The following PDK1 variants were observed in gnomAD, a reference collection of about 807,000 sequenced individuals.
PDK1 encodes the protein pyruvate dehydrogenase kinase 1.
In PDK1, 39 loss-of-function variants were observed where a neutral mutation model predicts 54.2. That is an observed-to-expected ratio of 0.72 (90% CI 0.56 to 0.94). The LOEUF is 0.94. PDK1 is among the 40% of genes least tolerant of loss of function. The probability of loss-of-function intolerance (pLI) is 0.00; values close to 1 mark genes in which losing one functional copy is unlikely to be tolerated. For missense variants in PDK1, 552 were observed against 566.0 expected (o/e 0.98, Z 0.25); for synonymous variants, 221 against 207.1 (o/e 1.07, Z -0.58).
chr2:172,712,914 G>T, the PDK1 span, among the ~76,000 whole-genome samples: 1 of 152,230 alleles, frequency 6.6e-6, no homozygotes, highest in African/African-American at 2.4e-5. Flanking sequence ...GTGAAGAGGT[G>T]CTTTATTGAG....
intron 5 of PDK1, 113 bp downstream of exon 5, chr2:172,565,186 C>T (rs1379940047): frequency 4.5e-6 from 3 of 665,378 alleles, no homozygotes; most frequent in Non-Finnish European, 8.0e-6. Flanking sequence ...GGCACAAATG[C>T]ATGGGTTTGA....
intron 5 of PDK1, among the ~76,000 whole-genome samples, chr2:172,566,532 G>C (rs1314398949): frequency 6.6e-6 from 1 of 152,014 alleles, no homozygotes; most frequent in African/African-American, 2.4e-5. Flanking sequence ...ACTCCAGCCT[G>C]GTTGATCGAG....
the PDK1 span, among the ~76,000 whole-genome samples, chr2:172,637,043 T>G: frequency 6.6e-6 from 1 of 152,248 alleles, no homozygotes; most frequent in South Asian, 2.1e-4. Flanking sequence ...ATAAGCTGTT[T>G]ATATAACTGT....
chr2:172,693,218 A>G, the PDK1 span, among the ~76,000 whole-genome samples: 2 of 152,248 alleles, frequency 1.3e-5, no homozygotes, highest in East Asian at 3.9e-4. Context: ...CGTGAGTCAG[A>G]ATGTCCATAT....
At chr2:172,657,449 A>T in the PDK1 span, among the ~76,000 whole-genome samples, 41 of 36,566 alleles carry the variant, frequency 1.1e-3, no homozygotes, top group Admixed American at 2.7e-3. Context: ...CTTTTAAATG[A>T]TGCTTATATT....
chr2:172,674,843 T>A, the PDK1 span: 5 of 152,222 alleles, frequency 3.3e-5, no homozygotes, highest in African/African-American at 1.2e-4. Flanking sequence ...CCTGAGCCTC[T>A]CCCGGGCTGT....
the PDK1 span, among the ~76,000 whole-genome samples, chr2:172,687,530 T>G: frequency 3.3e-5 from 5 of 152,178 alleles, no homozygotes; most frequent in Non-Finnish European, 7.3e-5. Flanking sequence ...AGGGTCACAC[T>G]TCATACTCAT....
At chr2:172,686,618 T>G in the PDK1 span, among the ~76,000 whole-genome samples, 499 of 152,302 alleles carry the variant, frequency 3.3e-3, 4 homozygotes, top group African/African-American at 0.011. Flanking sequence ...TTGGGCCACT[T>G]TTTACGCTGT....
the PDK1 span, among the ~76,000 whole-genome samples, chr2:172,664,045 C>G: frequency 6.7e-6 from 1 of 148,474 alleles, no homozygotes; most frequent in Non-Finnish European, 1.5e-5. Context: ...GGCGCGGTGG[C>G]TCACACCTGT....
At chr2:172,711,288 A>T in the PDK1 span, among the ~76,000 whole-genome samples, 4,022 of 152,214 alleles carry the variant, frequency 0.026, 178 homozygotes, top group African/African-American at 0.09. Context: ...CTTCCAAACT[A>T]TTTTAGTTCA....
the PDK1 span, among the ~76,000 whole-genome samples, chr2:172,632,367 A>C: frequency 6.6e-6 from 1 of 152,194 alleles, no homozygotes; most frequent in East Asian, 1.9e-4. Flanking sequence ...CTTTACAATA[A>C]TAAGTCATCC....
At chr2:172,677,001 T>C in the PDK1 span, 4 of 152,348 alleles carry the variant, frequency 2.6e-5, no homozygotes, top group South Asian at 8.3e-4. Flanking sequence ...GTTGTCAGCA[T>C]TTTTTAGCAA....
At chr2:172,648,773 C>T in the PDK1 span, among the ~76,000 whole-genome samples, 25 of 152,288 alleles carry the variant, frequency 1.6e-4, no homozygotes, top group Non-Finnish European at 1.3e-4. Flanking sequence ...AAGGCCACAG[C>T]GAGGCTGGGG....
chr2:172,708,181 C>T, the PDK1 span, among the ~76,000 whole-genome samples: 4 of 151,506 alleles, frequency 2.6e-5, no homozygotes, highest in Non-Finnish European at 4.4e-5. Flanking sequence ...CCCAGCTATT[C>T]GGGAGGATGA....
chr2:172,677,866 G>A, the PDK1 span, among the ~76,000 whole-genome samples: 2 of 152,144 alleles, frequency 1.3e-5, no homozygotes, highest in Admixed American at 1.3e-4. Context: ...TACATTGGGA[G>A]GATGAATAAA....
the PDK1 span, among the ~76,000 whole-genome samples, chr2:172,620,644 T>A: frequency 6.6e-6 from 1 of 152,172 alleles, no homozygotes; most frequent in East Asian, 1.9e-4. Context: ...GGGCTGGATT[T>A]CTTATGAATA....
chr2:172,708,832 T>C, the PDK1 span, among the ~76,000 whole-genome samples: 79 of 152,258 alleles, frequency 5.2e-4, no homozygotes, highest in Non-Finnish European at 1.5e-4. Flanking sequence ...ACTAGTGTTG[T>C]CCACCTGTGT....
the PDK1 span, among the ~76,000 whole-genome samples, chr2:172,620,647 T>C: frequency 1.3e-5 from 2 of 152,160 alleles, no homozygotes; most frequent in Non-Finnish European, 2.9e-5. Context: ...CTGGATTTCT[T>C]ATGAATAGTG....
At chr2:172,706,009 G>A in the PDK1 span, among the ~76,000 whole-genome samples, 1 of 152,152 alleles carries the variant, frequency 6.6e-6, no homozygotes, top group Non-Finnish European at 1.5e-5. Context: ...CCTTTACCCA[G>A]TTTCCCCCAG....
Sources: gnomAD v4.1 joint callset for allele counts (sites outside exome capture counted in the v4.1 genomes callset) on GRCh38, gnomAD v4.1.1 for gene constraint, MANE v1.5 for transcripts, NCBI Gene and HGNC (gene_info 2026-07-23, HGNC 2026-07-21) for gene names.